Variants in COLEC10 observed in about 807,000 individuals in gnomAD.
The protein encoded by COLEC10 is collectin-10.
A neutral mutation model predicts 28.4 loss-of-function variants in COLEC10; 22 were observed. The ratio of observed to expected loss-of-function variants is 0.78; its 90% CI spans 0.55 to 1.11. COLEC10 has a LOEUF of 1.11. Ranked by LOEUF, COLEC10 falls within the 50% of genes least tolerant of loss-of-function variation. The pLI is 0.00. For synonymous variants in COLEC10, 125 were observed against 116.1 expected, an observed-to-expected ratio of 1.08 and a Z score of -0.49; for missense variants, 361 against 344.1, an observed-to-expected ratio of 1.05 and a Z score of -0.39.
upstream of COLEC10, among the ~76,000 whole-genome samples, chr8:119,066,688 C>T (rs1814970844): frequency 6.6e-6 from 1 of 152,154 alleles, no homozygotes; most frequent in African/African-American, 2.4e-5. Flanking sequence ...TTTAATATTC[C>T]TAATACTTAT....
chr8:118,958,271 A>C, the COLEC10 span, among the ~76,000 whole-genome samples: 2 of 152,210 alleles, frequency 1.3e-5, no homozygotes, highest in Admixed American at 6.5e-5. Flanking sequence ...GGGGGGCGAG[A>C]GCAGTGGAAC....
intron 2 of COLEC10, among the ~76,000 whole-genome samples, chr8:119,042,217 C>T (rs1187482724): frequency 1.3e-5 from 2 of 151,602 alleles, no homozygotes; most frequent in Non-Finnish European, 2.9e-5. Flanking sequence ...AGGCTGGTCT[C>T]GAACTCCTGA....
chr8:119,069,629 A>AAAAAATTTATATATATATATAT (rs1554627284), intron 1 of COLEC10, among the ~76,000 whole-genome samples: 1 of 42,876 alleles, frequency 2.3e-5, no homozygotes, highest in Non-Finnish European at 4.4e-5. Context: ...AAAAAAAAAA[A>AAAAAATTTATATATATATATAT]ATATATATAT....
intron 2 of COLEC10, among the ~76,000 whole-genome samples, chr8:119,059,952 G>T (rs1486944135): frequency 6.6e-6 from 1 of 151,908 alleles, no homozygotes; most frequent in Non-Finnish European, 1.5e-5. Flanking sequence ...TTGTAGAAAG[G>T]GTGTTCTGAC....
chr8:119,053,491 AG>A (rs142573932), intron 2 of COLEC10, among the ~76,000 whole-genome samples: 4,400 of 152,218 alleles, frequency 0.029, 120 homozygotes, highest in East Asian at 0.16. Context: ...CACAGTGTGA[AG>A]GATTGCATTT....
rs766837621 is a variant in COLEC10 at position 119,067,366 on chromosome 8, G to A, written c.85G>A (p.Asp29Asn). 6.2e-7 allele frequency: 1 copy of A among 1,613,992 alleles called. No individual in the cohort carries two copies. Among genetic ancestry groups the A allele is most frequent in the South Asian group, 1.1e-5 (1 of 91,070 alleles). Residue 29 changes from aspartate (D) to asparagine (N), a missense_variant, in exon 1 of 6, where the codon GAT becomes AAT. Around this residue, in one of 3 missense-constraint regions of COLEC10, gnomAD observed 335 missense variants for 308.5 expected, o/e 1.09. Coordinates refer to ENST00000332843, the MANE Select transcript of COLEC10 (RefSeq NM_006438.5). ...FLLQIQSLGL[D>N]IDSRPTAEVC... ...TTTGCAAATTCAGAGTCTGGGTCTG[G>A]ATATTGATAGCCGTCCTACCGCTGA... is the stretch of plus-strand genomic sequence containing the variant.
intron 1 of COLEC10, among the ~76,000 whole-genome samples, chr8:119,006,290 A>G (rs1357213933): frequency 6.6e-6 from 1 of 152,110 alleles, no homozygotes; most frequent in Non-Finnish European, 1.5e-5. Flanking sequence ...TGAGACACAT[A>G]TCATAAACTT....
chr8:119,080,871 C>A (rs1328975569), intron 1 of COLEC10, among the ~76,000 whole-genome samples: 1 of 152,054 alleles, frequency 6.6e-6, no homozygotes, highest in Non-Finnish European at 1.5e-5. Flanking sequence ...CCCTAAGAGA[C>A]TTTCTATATG....
chr8:119,039,091 C>T (rs926038624), intron 2 of COLEC10, among the ~76,000 whole-genome samples: 1 of 152,078 alleles, frequency 6.6e-6, no homozygotes, highest in African/African-American at 2.4e-5. Context: ...TCAACAGCCC[C>T]ATCTCTCACC....
chr8:119,002,130 A>T (rs1305224471), intron 1 of COLEC10, among the ~76,000 whole-genome samples: 2 of 152,276 alleles, frequency 1.3e-5, no homozygotes, highest in East Asian at 3.9e-4. Context: ...ACTCAATTAC[A>T]TATTTGCCAT....
At chr8:119,028,650 AT>A (rs1378518890) in intron 2 of COLEC10, among the ~76,000 whole-genome samples, 1 of 152,176 alleles carries the variant, frequency 6.6e-6, no homozygotes, top group East Asian at 1.9e-4. Context: ...GGGAGATACA[AT>A]TCAAGTTGAG....
chr8:119,045,168 C>A (rs1020760110), intron 2 of COLEC10, among the ~76,000 whole-genome samples: 1 of 152,184 alleles, frequency 6.6e-6, no homozygotes, highest in Non-Finnish European at 1.5e-5. Context: ...AAAGAATTAT[C>A]TCCTCCTGGG....
chr8:118,985,038 G>A, the COLEC10 span, among the ~76,000 whole-genome samples: 2 of 152,016 alleles, frequency 1.3e-5, no homozygotes, highest in Non-Finnish European at 2.9e-5. Flanking sequence ...CACAACACAT[G>A]GAATTATGGG....
intron 1 of COLEC10, among the ~76,000 whole-genome samples, chr8:119,003,908 T>C (rs565637284): frequency 2.6e-5 from 4 of 152,142 alleles, no homozygotes; most frequent in Admixed American, 6.6e-5. Context: ...TTGCCTAGCC[T>C]CTTGAAGGGC....
intron 1 of COLEC10, among the ~76,000 whole-genome samples, chr8:119,085,881 G>C (rs1815471602): frequency 6.6e-6 from 1 of 151,868 alleles, no homozygotes; most frequent in Non-Finnish European, 1.5e-5. Flanking sequence ...GCCTCCCAAA[G>C]TGCTGAGATT....
At chr8:118,963,910 G>A in the COLEC10 span, among the ~76,000 whole-genome samples, 8 of 152,136 alleles carry the variant, frequency 5.3e-5, no homozygotes, top group African/African-American at 1.4e-4. Flanking sequence ...AGGGAGCAAC[G>A]AAATGGATAT....
At chr8:118,967,473 T>C in the COLEC10 span, among the ~76,000 whole-genome samples, 2 of 152,210 alleles carry the variant, frequency 1.3e-5, no homozygotes, top group African/African-American at 4.8e-5. Flanking sequence ...AAAGTAAACT[T>C]GTAGCTGTTC....
At chr8:118,977,757 AAAT>A in the COLEC10 span, among the ~76,000 whole-genome samples, 1 of 149,710 alleles carries the variant, frequency 6.7e-6, no homozygotes, top group Non-Finnish European at 1.5e-5. Context: ...AATAATAAAT[AAAT>A]AAATAAATAA....
chr8:119,040,869 C>T (rs1814482255), intron 2 of COLEC10, among the ~76,000 whole-genome samples: 1 of 152,124 alleles, frequency 6.6e-6, no homozygotes, highest in East Asian at 1.9e-4. Flanking sequence ...GACTTCTCTC[C>T]CTACCCCATC....
Sources: gnomAD v4.1 joint callset for allele counts (sites outside exome capture counted in the v4.1 genomes callset) on GRCh38, gnomAD v4.1.1 for gene constraint, gnomAD v4.1.1 regional missense constraint, MANE v1.5 for transcripts, NCBI Gene and HGNC (gene_info 2026-07-23, HGNC 2026-07-21) for gene names.